The following CABLES1 variants were observed in gnomAD, a reference collection of about 807,000 sequenced individuals.
CABLES1 encodes CDK5 and ABL1 enzyme substrate 1.
A neutral mutation model predicts 57.8 loss-of-function variants in CABLES1; 36 were observed. The observed-to-expected ratio is 0.62, with a 90% CI of 0.48 to 0.82. The LOEUF is 0.82. Ranked by LOEUF, CABLES1 falls within the 40% of genes least tolerant of loss-of-function variation. CABLES1 has a pLI of 0.00. For missense variants in CABLES1, 767 were observed against 836.6 expected (o/e 0.92, Z 1.03); for synonymous variants, 374 against 363.0 (o/e 1.03, Z -0.35).
chr18:23,180,310 C>G (rs1598814744), intron 1 of CABLES1, among the ~76,000 whole-genome samples: 1 of 152,066 alleles, frequency 6.6e-6, no homozygotes, highest in Non-Finnish European at 1.5e-5. Context: ...TGCCAACTCA[C>G]GAACAATGTT....
intron 4 of CABLES1, among the ~76,000 whole-genome samples, chr18:23,229,494 T>G (rs1031120932): frequency 6.6e-6 from 1 of 152,210 alleles, no homozygotes; most frequent in African/African-American, 2.4e-5. Context: ...AAGTGAAAAC[T>G]TCAACTTCAG....
At chr18:23,149,852 G>A (rs1396578722) in intron 1 of CABLES1, 1 of 152,254 alleles carries the variant, frequency 6.6e-6, no homozygotes, top group African/African-American at 2.4e-5. Context: ...AAAGCCTTGT[G>A]TACCTCCAGC....
chr18:23,236,191 A>C, intron 6 of CABLES1, 140 bp downstream of exon 6: 376 of 892,464 alleles, frequency 4.2e-4, no homozygotes, highest in Middle Eastern at 1.1e-3. Context: ...GCCTGATCTC[A>C]AGCCATGCAG....
intron 1 of CABLES1, among the ~76,000 whole-genome samples, chr18:23,166,833 G>GCAGACCCC (rs1430860419): frequency 1.3e-5 from 2 of 152,224 alleles, no homozygotes; most frequent in Non-Finnish European, 2.9e-5. Flanking sequence ...AGGTGGCCAT[G>GCAGACCCC]AGTGCAGAGT....
chr18:23,197,706 T>C (rs773591042), intron 3 of CABLES1: 1 of 152,178 alleles, frequency 6.6e-6, no homozygotes, highest in Non-Finnish European at 1.5e-5. Flanking sequence ...CCATGAGGGA[T>C]GCTGCTCTCA....
intron 1 of CABLES1, among the ~76,000 whole-genome samples, chr18:23,185,445 C>A (rs2047195765): frequency 1.3e-5 from 2 of 150,524 alleles, no homozygotes; most frequent in African/African-American, 4.9e-5. Flanking sequence ...AGGAGGCAAG[C>A]CTGGTTCAGC....
intron 1 of CABLES1, among the ~76,000 whole-genome samples, chr18:23,165,711 C>A (rs2047037488): frequency 6.6e-6 from 1 of 152,188 alleles, no homozygotes; most frequent in Non-Finnish European, 1.5e-5. Context: ...TGAATATTAT[C>A]CCATTATCTG....
intron 4 of CABLES1, among the ~76,000 whole-genome samples, chr18:23,230,710 C>T (rs984129475): frequency 6.6e-6 from 1 of 152,132 alleles, no homozygotes; most frequent in Admixed American, 6.5e-5. Flanking sequence ...ACTGTAAACC[C>T]CCCTTCTACA....
chr18:23,136,202 C>A lies in CABLES1; in HGVS notation c.440C>A (p.Pro147Gln). The change falls in exon 1 of 10, where the codon CCG becomes CAG. Residue 147 changes from proline to glutamine, a missense_variant. Transcript: ENST00000256925. ...TGCCTCCCACAGCCCTCGTCGCTGCCGCCCTTGATTCCTGGCGGCCATGCG... is the reference window on the plus strand; with the variant it reads ...TGCCTCCCACAGCCCTCGTCGCTGCAGCCCTTGATTCCTGGCGGCCATGCG... Reference protein sequence around the residue: ...GPCLPQPSSLPPLIPGGHATV... With the variant: ...GPCLPQPSSLQPLIPGGHATV... 4 of 1,251,960 alleles carry A rather than the reference C, an allele frequency of 3.2e-6. No individual in the cohort carries two copies. The highest frequency in any genetic ancestry group is 3.2e-5 in the South Asian group (1 of 30,878). 77.6% of individuals were successfully genotyped at this position (1,251,960 alleles called of 1,614,324 possible).
At chr18:23,186,220 A>G (rs982346848) in intron 1 of CABLES1, among the ~76,000 whole-genome samples, 1 of 152,224 alleles carries the variant, frequency 6.6e-6, no homozygotes, top group African/African-American at 2.4e-5. Context: ...GCTCCTGGTC[A>G]GCTGAGCTGG....
chr18:23,199,871 A>G (rs1172188864), intron 3 of CABLES1, among the ~76,000 whole-genome samples: 1 of 152,222 alleles, frequency 6.6e-6, no homozygotes, highest in African/African-American at 2.4e-5. Flanking sequence ...ACAATAAAAT[A>G]AAACACCAGT....
intron 5 of CABLES1, among the ~76,000 whole-genome samples, chr18:23,235,074 C>A (rs986072476): frequency 6.6e-6 from 1 of 152,202 alleles, no homozygotes; most frequent in Non-Finnish European, 1.5e-5. Context: ...TTCCCATGGT[C>A]CTGGGAAGCT....
At chr18:23,161,888 C>A (rs1198049861) in intron 1 of CABLES1, among the ~76,000 whole-genome samples, 1 of 151,786 alleles carries the variant, frequency 6.6e-6, no homozygotes, top group Non-Finnish European at 1.5e-5. Context: ...TGCCACTGCA[C>A]TCCAGCCTGG....
At chr18:23,227,852 TG>T (rs2047539221) in intron 4 of CABLES1, among the ~76,000 whole-genome samples, 1 of 152,270 alleles carries the variant, frequency 6.6e-6, no homozygotes. Flanking sequence ...CTGGAAATCC[TG>T]TTAATATTTA....
intron 4 of CABLES1, among the ~76,000 whole-genome samples, chr18:23,222,112 A>T (rs1049663179): frequency 2.6e-5 from 4 of 152,104 alleles, no homozygotes; most frequent in African/African-American, 9.7e-5. Flanking sequence ...CCCAGACTTA[A>T]CAGAAACAGG....
At chr18:23,138,458 T>C (rs1006437880) in intron 1 of CABLES1, among the ~76,000 whole-genome samples, 3 of 152,224 alleles carry the variant, frequency 2.0e-5, no homozygotes, top group Non-Finnish European at 4.4e-5. Context: ...GGCAACCTGA[T>C]AGGCTTTTAT....
chr18:23,141,643 T>C (rs1328501315), intron 1 of CABLES1, among the ~76,000 whole-genome samples: 2 of 152,246 alleles, frequency 1.3e-5, no homozygotes, highest in Non-Finnish European at 2.9e-5. Flanking sequence ...GGGCGCAGTC[T>C]GAGGCTTCCC....
rs576937164 is a variant in CABLES1 at position 23,252,938 on chromosome 18, C to T, written c.1447-22C>T. The T allele has an allele frequency of 4.3e-5, 65 of 1,500,232 alleles. No homozygotes were observed. The South Asian group carries it at 5.2e-4, about 12-fold the overall frequency. The allele number at this position is 1,500,232 out of a possible 1,614,324, so 92.9% of individuals were successfully genotyped here. On this transcript the variant is annotated intron_variant, in intron 7 of 9. Coordinates refer to ENST00000256925, the MANE Select transcript of CABLES1 (RefSeq NM_001100619.3). ...ACGACCCTTGTTTTAAGGAGTGATC[C>T]GTGTTCCCCTGTCTGTTACAGACAA... is the stretch of plus-strand genomic sequence containing the variant.
At chr18:23,212,441 G>A (rs911677249) in intron 3 of CABLES1, among the ~76,000 whole-genome samples, 1 of 152,210 alleles carries the variant, frequency 6.6e-6, no homozygotes, top group Non-Finnish European at 1.5e-5. Flanking sequence ...GAAGCTGAGT[G>A]TGTTACTTTG....
Sources: gnomAD v4.1 joint callset for allele counts (sites outside exome capture counted in the v4.1 genomes callset) on GRCh38, gnomAD v4.1.1 for gene constraint, MANE v1.5 for transcripts, NCBI Gene and HGNC (gene_info 2026-07-23, HGNC 2026-07-21) for gene names.